Variants in MIOS observed in about 807,000 individuals in gnomAD.
MIOS encodes meiosis regulator for oocyte development.
A neutral mutation model predicts 96.9 loss-of-function variants in MIOS; 52 were observed. The observed-to-expected ratio is 0.54, with a 90% CI of 0.43 to 0.68. The LOEUF is 0.68. MIOS is among the 30% of genes least tolerant of loss of function. The pLI is 0.00. For missense variants in MIOS, 1,005 were observed against 1,052.8 expected (o/e 0.95, Z 0.63); for synonymous variants, 397 against 359.5 (o/e 1.10, Z -1.18).
intron 7 of MIOS, among the ~76,000 whole-genome samples, chr7:7,586,657 T>G (rs1342258147): frequency 5.5e-4 from 83 of 152,242 alleles, no homozygotes; most frequent in Admixed American, 5.4e-3. Flanking sequence ...TTGGAGCAGC[T>G]TAATGAAATG....
intron 11 of MIOS, among the ~76,000 whole-genome samples, chr7:7,597,230 G>T (rs1474201635): frequency 1.3e-5 from 2 of 151,426 alleles, no homozygotes; most frequent in African/African-American, 2.4e-5. Flanking sequence ...GGAGGCTGAG[G>T]CAGGAGAATT....
Position 7,594,074 on chromosome 7 carries a change from C to T in MIOS, c.2044-906C>T, listed in dbSNP as rs549268327. On this transcript the variant is annotated intron_variant, in intron 9 of 12. Coordinates refer to ENST00000340080, the MANE Select transcript of MIOS (RefSeq NM_019005.4). ...AAGGTGTTGCTTTTAACTGTGGCTA[C>T]GGGCAAAAGAACTAAGAAGGTATTT... Among the ~76,000 whole-genome samples the T allele has an allele frequency of 2.5e-3, 376 of 151,992 alleles. 1 individual carries two copies. The highest frequency in any genetic ancestry group is 8.8e-3 in the African/African-American group (363 of 41,422).
intron 8 of MIOS, among the ~76,000 whole-genome samples, chr7:7,588,906 G>T (rs76180183): frequency 0.14 from 20,986 of 152,070 alleles, 1,636 homozygotes; most frequent in East Asian, 0.29. Flanking sequence ...TAGTGAGGGG[G>T]AAATGCATGT....
intron 11 of MIOS, among the ~76,000 whole-genome samples, chr7:7,602,953 AAAAC>A (rs772026873): frequency 6.6e-6 from 1 of 152,136 alleles, no homozygotes; most frequent in Non-Finnish European, 1.5e-5. Flanking sequence ...AAACCTGAGA[AAAAC>A]AAGCAATGGG....
chr7:7,596,458 C>G lies in MIOS; in HGVS notation c.2398C>G (p.Pro800Ala). 6.2e-7 allele frequency: 1 copy of G among 1,612,350 alleles called. No homozygotes were observed. Among genetic ancestry groups the G allele is most frequent in the Non-Finnish European group, 8.5e-7 (1 of 1,178,694 alleles). The change falls in exon 11 of 13, where the codon CCT becomes GCT. Residue 800 changes from proline to alanine, a missense_variant. This residue lies in a region of MIOS where 865 missense variants were observed against 887.9 expected (regional missense o/e 0.97). Transcript: ENST00000340080. ...INMGTPVSSC[P>A]GGTKSDEKVD... The stretch of plus-strand genomic sequence containing the variant: ...TATGGGAACACCAGTTTCTAGCTGT[C>G]CTGGTATGACATAATTTTACAAAAT...
intron 9 of MIOS, 112 bp downstream of exon 9, chr7:7,589,675 T>C: frequency 8.4e-7 from 1 of 1,195,626 alleles, no homozygotes; most frequent in African/African-American, 1.5e-5. Context: ...AGAAGGCATT[T>C]AGTTTTAACC....
intron 6 of MIOS, 93 bp from the exon 7 acceptor site, chr7:7,585,543 G>C (rs1396465524): frequency 1.7e-6 from 2 of 1,168,750 alleles, no homozygotes; most frequent in Non-Finnish European, 2.3e-6. Context: ...GAGGGTAAAA[G>C]TCACCCTCTG....
Position 7,572,744 on chromosome 7 carries a change from C to A in MIOS, c.269C>A (p.Thr90Lys). Residue 90 changes from threonine to lysine, a missense_variant, in exon 4 of 13, where the codon ACA becomes AAA. By Grantham distance (78) the Thr-to-Lys change is moderately conservative. Coordinates refer to ENST00000340080, the MANE Select transcript of MIOS (RefSeq NM_019005.4). This position sits in a 1 kb window ranked among gnomAD's most constrained non-coding sequence, Gnocchi z 4.8. ...VGQANGRVVL[T>K]SLGQDHNSKF... ...CAAGCAAATGGTCGAGTTGTACTTACAAGCCTTGGTCAAGATCATAACTCA... is the reference window on the plus strand; with the variant it reads ...CAAGCAAATGGTCGAGTTGTACTTAAAAGCCTTGGTCAAGATCATAACTCA... The A allele has an allele frequency of 6.2e-7, 1 of 1,614,112 alleles. No individual in the cohort carries two copies. The highest frequency in any genetic ancestry group is 8.5e-7 in the Non-Finnish European group (1 of 1,179,994).
intron 6 of MIOS, among the ~76,000 whole-genome samples, chr7:7,584,000 T>G (rs73340613): frequency 0.025 from 3,882 of 152,250 alleles, 167 homozygotes; most frequent in African/African-American, 0.088. Context: ...AGGGGTTTTT[T>G]TCTTATCAGG....
intron 11 of MIOS, among the ~76,000 whole-genome samples, chr7:7,601,626 C>T (rs906970533): frequency 6.6e-5 from 10 of 152,088 alleles, no homozygotes; most frequent in African/African-American, 1.4e-4. Context: ...GATTCACAGC[C>T]GAACTCTACC....
At chr7:7,583,465 A>G (rs1783794288) in intron 6 of MIOS, 93 bp downstream of exon 6, 1 of 1,300,558 alleles carries the variant, frequency 7.7e-7, no homozygotes, top group Admixed American at 3.0e-5. Context: ...ATTTTCAAAT[A>G]TCTAATCACT....
chr7:7,585,901 T>C lies in MIOS; in HGVS notation c.1818+96T>C, dbSNP rs1783872613. ...TTTCAAATGTCTGTTGCATAAAATA[T>C]TATATTTTTATGCATATGTTATTTA... is the stretch of plus-strand genomic sequence containing the variant. On this transcript the variant is annotated intron_variant, in intron 7 of 12. Coordinates refer to ENST00000340080, the MANE Select transcript of MIOS (RefSeq NM_019005.4). The C allele has an allele frequency of 5.4e-6, 6 of 1,101,478 alleles. No individual in the cohort carries two copies. In the East Asian group the frequency reaches 1.4e-4, roughly 26 times the overall value. 68.2% of individuals were successfully genotyped at this position (1,101,478 alleles called of 1,614,324 possible).
intron 9 of MIOS, among the ~76,000 whole-genome samples, chr7:7,593,886 AAAAAAAAAAGAAAAAG>A (rs1426085577): frequency 1.1e-3 from 112 of 104,362 alleles, no homozygotes; most frequent in African/African-American, 4.0e-3. Context: ...CTCCAAAAAA[AAAAAAAAAAGAAAAAG>A]AAAAGAAAAA....
chr7:7,573,613 G>A lies in MIOS; in HGVS notation c.1138G>A (p.Glu380Lys). 1.9e-6 allele frequency: 3 copies of A among 1,614,022 alleles called. No individual in the cohort carries two copies. Among genetic ancestry groups the A allele is most frequent in the South Asian group, 1.1e-5 (1 of 91,078 alleles). ...CGRHLYECTE[E>K]ENDNSLEKDI... is the part of the protein sequence containing the mutation. ...TCGTCATTTATATGAATGTACGGAA[G>A]AAGAAAATGATAATTCTTTAGAAAA... Residue 380 changes from glutamate (E) to lysine (K), a missense_variant, in exon 4 of 13, where the codon GAA becomes AAA. Physicochemically the swap from Glu to Lys is moderately conservative, Grantham distance 56 (BLOSUM62 1). Transcript: ENST00000340080. The surrounding 1 kb of genome is among the most constrained non-coding windows in gnomAD (Gnocchi z 5.0).
intron 7 of MIOS, 95 bp from the exon 8 acceptor site, chr7:7,588,403 C>T (rs1783952468): frequency 1.7e-6 from 1 of 594,002 alleles, no homozygotes; most frequent in Non-Finnish European, 2.7e-6. Context: ...TGGAAATAAA[C>T]ATATTCATTT....
At chr7:7,594,686 A>G (rs934762504) in intron 9 of MIOS, among the ~76,000 whole-genome samples, 6 of 152,222 alleles carry the variant, frequency 3.9e-5, no homozygotes, top group African/African-American at 1.2e-4. Context: ...ACTGTTTACA[A>G]CATTCAACCA....
intron 6 of MIOS, among the ~76,000 whole-genome samples, chr7:7,583,841 G>A (rs536336541): frequency 6.6e-6 from 1 of 152,184 alleles, no homozygotes; most frequent in East Asian, 1.9e-4. Context: ...GTTATAAAAA[G>A]CATACTTTGA....
rs531319188 is a variant in MIOS at position 7,569,514 on chromosome 7, G to A, written c.-41+1391G>A. ...CATGAGGAAATAGGTAAAACTTGGA[G>A]ATAGCAGTTGTGAGAAGTGTCAGAG... On this transcript the variant is annotated intron_variant, in intron 3 of 12. Coordinates refer to ENST00000340080, the MANE Select transcript of MIOS (RefSeq NM_019005.4). 5.9e-5 allele frequency among the ~76,000 whole-genome samples: 9 copies of A among 152,236 alleles called. No individual in the cohort carries two copies. In the South Asian group the frequency reaches 1.9e-3, roughly 31 times the overall value.
chr7:7,599,235 A>G (rs187136295), intron 11 of MIOS, among the ~76,000 whole-genome samples: 14 of 152,198 alleles, frequency 9.2e-5, no homozygotes, highest in African/African-American at 3.1e-4. Context: ...CTATTAAGAT[A>G]TTTATTTCTC....
Sources: gnomAD v4.1 joint callset for allele counts (sites outside exome capture counted in the v4.1 genomes callset) on GRCh38, gnomAD v4.1.1 for gene constraint, gnomAD v4.1.1 regional missense constraint, Gnocchi (gnomAD v3.1) non-coding constraint, MANE v1.5 for transcripts, NCBI Gene and HGNC (gene_info 2026-07-23, HGNC 2026-07-21) for gene names.